The following AZIN1 variants were observed in gnomAD, a reference collection of about 807,000 sequenced individuals.
AZIN1 encodes ornithine decarboxylase antizyme inhibitor.
Under a neutral mutation model 47.4 loss-of-function variants are expected in AZIN1, and 12 were observed. The observed-to-expected ratio is 0.25, with a 90% confidence interval of 0.16 to 0.41. The LOEUF (loss-of-function observed/expected upper bound fraction) is 0.41. Among genes scored for constraint, AZIN1 ranks in the 10% least tolerant of loss-of-function variants. The probability of loss-of-function intolerance (pLI) is 1.00; values close to 1 mark genes in which losing one functional copy is unlikely to be tolerated. For synonymous variants in AZIN1, 155 were observed against 176.3 expected (o/e 0.88, Z 0.96); for missense variants, 410 against 532.4 (o/e 0.77, Z 2.26).
chr8:102,847,345 T>G (rs1324703376), intron 2 of AZIN1, among the ~76,000 whole-genome samples: 1 of 108,560 alleles, frequency 9.2e-6, no homozygotes, highest in African/African-American at 4.0e-5. Flanking sequence ...GGAGAACCCA[T>G]CTCTTAAAAA....
chr8:102,862,002 C>T (rs1374849600), intron 1 of AZIN1, among the ~76,000 whole-genome samples: 2 of 151,784 alleles, frequency 1.3e-5, no homozygotes, highest in Admixed American at 6.6e-5. Context: ...TGCCACTGCA[C>T]TCCAGCCTGG....
chr8:102,834,637 A>G, intron 7 of AZIN1, 29 bp downstream of exon 7: 1 of 1,524,028 alleles, frequency 6.6e-7, no homozygotes, highest in Non-Finnish European at 9.0e-7. Context: ...AAAATAAAAT[A>G]TCAAAATAAC....
At chr8:102,863,414 C>G (rs1359364451) in intron 1 of AZIN1, among the ~76,000 whole-genome samples, 1 of 151,904 alleles carries the variant, frequency 6.6e-6, no homozygotes, top group African/African-American at 2.4e-5. Context: ...CCCCTCAGGG[C>G]TGCGGCCGGG....
chr8:102,836,640 A>T, intron 5 of AZIN1: 1 of 422,166 alleles, frequency 2.4e-6, no homozygotes, highest in East Asian at 4.1e-5. Context: ...TTGTAGCATC[A>T]AGAGTTGGTT....
At chr8:102,856,398 T>TCCC (rs1487833214) in intron 2 of AZIN1, among the ~76,000 whole-genome samples, 43 of 152,292 alleles carry the variant, frequency 2.8e-4, no homozygotes, top group African/African-American at 9.9e-4. Flanking sequence ...CATTCCCTCC[T>TCCC]ACCCACAAAG....
At chr8:102,836,543 T>C in intron 5 of AZIN1, 153 bp from the exon 6 acceptor site, 1 of 780,130 alleles carries the variant, frequency 1.3e-6, no homozygotes, top group Non-Finnish European at 2.0e-6. Flanking sequence ...AAAACAATCC[T>C]GTATAGAGAA....
chr8:102,845,983 A>G (rs1192062947), intron 2 of AZIN1, among the ~76,000 whole-genome samples: 2 of 152,220 alleles, frequency 1.3e-5, no homozygotes, highest in Non-Finnish European at 2.9e-5. Context: ...CGCAGTTTCC[A>G]AGAACCTACT....
At chr8:102,845,693 C>A (rs1234135235) in intron 2 of AZIN1, among the ~76,000 whole-genome samples, 1 of 152,022 alleles carries the variant, frequency 6.6e-6, no homozygotes, top group Non-Finnish European at 1.5e-5. Context: ...AAGGTAGAAA[C>A]TTCCTGTTAA....
Position 102,843,561 on chromosome 8 carries a change from TCATAAA to T in AZIN1, c.86_91del (p.Val29_Tyr30del). 6.2e-7 allele frequency: 1 copy of T among 1,613,484 alleles called. No homozygotes were observed. The highest frequency in any genetic ancestry group is 8.5e-7 in the Non-Finnish European group (1 of 1,179,424). On this transcript the variant is annotated inframe_deletion, in exon 3 of 12. Coordinates refer to ENST00000337198, the MANE Select transcript of AZIN1 (RefSeq NM_148174.4). ...AGAAATGGCACTTACCAGGGTATGT[TCATAAA>T]CATAGTTATCAATAACATTTCCAAG...
In AZIN1 at chr8:102,834,213, C is replaced by G; in HGVS notation, c.717G>C (p.Thr239=). The G allele has an allele frequency of 1.9e-6, 3 of 1,612,704 alleles. No homozygotes were observed. The highest frequency in any genetic ancestry group is 2.5e-6 in the Non-Finnish European group (3 of 1,179,728). ...CCTCTTCCAATTGAAATTCAGTTCC[C>G]GTGAATCCTCCACCAATGTCTAACA... ...MNMLDIGGGF[T]GTEFQLEEVN... is the part of the protein sequence containing the mutation. Residue 239 remains threonine (T), a synonymous_variant, in exon 8 of 12, where the codon ACG becomes ACC. Coordinates refer to ENST00000337198, the MANE Select transcript of AZIN1 (RefSeq NM_148174.4).
At chr8:102,844,682 C>T (rs137962860) in intron 2 of AZIN1, among the ~76,000 whole-genome samples, 82 of 151,988 alleles carry the variant, frequency 5.4e-4, no homozygotes, top group African/African-American at 1.8e-3. Context: ...ACATCTGTTT[C>T]AGTGCTGGCT....
chr8:102,841,172 G>A lies in AZIN1; in HGVS notation c.103-1349C>T, dbSNP rs3824223. Among the ~76,000 whole-genome samples the A allele has an allele frequency of 0.014, 2,069 of 152,248 alleles. 114 individuals are homozygous for A. The East Asian group carries it at 0.2, about 15-fold the overall frequency. On this transcript the variant is annotated intron_variant, in intron 3 of 11. Coordinates refer to ENST00000337198, the MANE Select transcript of AZIN1 (RefSeq NM_148174.4). ...GACGATGAAAAGGGAAATAAGTTAGGAGGTCACTATAATGACATGTGCAAA... is the reference window on the plus strand; with the variant it reads ...GACGATGAAAAGGGAAATAAGTTAGAAGGTCACTATAATGACATGTGCAAA...
intron 3 of AZIN1, 85 bp from the exon 4 acceptor site, chr8:102,839,908 C>T: frequency 1.1e-6 from 1 of 940,562 alleles, no homozygotes. Context: ...CACCTCTTTT[C>T]CTCCACAAAT....
intron 11 of AZIN1, among the ~76,000 whole-genome samples, chr8:102,828,938 A>C (rs1250086118): frequency 6.6e-6 from 1 of 152,244 alleles, no homozygotes; most frequent in Admixed American, 6.5e-5. Flanking sequence ...GTCATAGCAC[A>C]ATGTATTATC....
At chr8:102,840,049 C>T (rs541521987) in intron 3 of AZIN1, among the ~76,000 whole-genome samples, 1 of 152,284 alleles carries the variant, frequency 6.6e-6, no homozygotes, top group Non-Finnish European at 1.5e-5. Flanking sequence ...TGCTGTGCTA[C>T]ACTAGCATAT....
At chr8:102,836,128 G>T in intron 6 of AZIN1, 128 bp downstream of exon 6, 1 of 991,670 alleles carries the variant, frequency 1.0e-6, no homozygotes, top group Non-Finnish European at 1.5e-6. Context: ...ACACATACAT[G>T]TGTGTTAAAA....
chr8:102,829,523 A>G (rs1333878199), intron 10 of AZIN1, 37 bp from the exon 11 acceptor site: 6 of 1,520,166 alleles, frequency 3.9e-6, no homozygotes, highest in Middle Eastern at 1.7e-4. Flanking sequence ...TTTTACTCAT[A>G]CTTACGCAGG....
chr8:102,843,301 A>G (rs1812342664), intron 3 of AZIN1, among the ~76,000 whole-genome samples: 1 of 152,186 alleles, frequency 6.6e-6, no homozygotes, highest in Non-Finnish European at 1.5e-5. Flanking sequence ...AATAAACAGA[A>G]CATATGTGGG....
chr8:102,843,699 AGAGACG>A lies in AZIN1; in HGVS notation c.-53_-48del. The A allele has an allele frequency of 1.2e-6, 2 of 1,611,172 alleles. No homozygotes were observed. Among genetic ancestry groups the A allele is most frequent in the African/African-American group, 2.7e-5 (2 of 74,940 alleles). On this transcript the variant is annotated 5_prime_UTR_variant, in exon 3 of 12. Coordinates refer to ENST00000337198, the MANE Select transcript of AZIN1 (RefSeq NM_148174.4). The stretch of plus-strand genomic sequence containing the variant: ...CGAAAGTCATAAACCAGGAAAGACA[AGAGACG>A]GGCCACCAAGCCTATGTCTGGGTCC...
Sources: gnomAD v4.1 joint callset for allele counts (sites outside exome capture counted in the v4.1 genomes callset) on GRCh38, gnomAD v4.1.1 for gene constraint, MANE v1.5 for transcripts, NCBI Gene and HGNC (gene_info 2026-07-23, HGNC 2026-07-21) for gene names.